The following SMARCA1 variants were observed in gnomAD, a reference collection of about 807,000 sequenced individuals.
SMARCA1 encodes SNF2 related chromatin remodeling ATPase 1.
In SMARCA1, 17 loss-of-function variants were observed where a neutral mutation model predicts 93.6. That is an observed-to-expected ratio of 0.18 (90% CI 0.12 to 0.27). SMARCA1 has a LOEUF of 0.27. Ranked by LOEUF, SMARCA1 falls within the 10% of genes least tolerant of loss-of-function variation. SMARCA1 has a pLI of 1.00. For missense variants in SMARCA1, 630 were observed against 819.0 expected (o/e 0.77, Z 2.82); for synonymous variants, 271 against 271.4 (o/e 1.00, Z 0.01).
chrX:129,491,870 C>A, intron 14 of SMARCA1, 71 bp downstream of exon 14: 1 of 724,772 alleles, frequency 1.4e-6, no homozygotes, highest in Non-Finnish European at 2.0e-6. Flanking sequence ...TCATAAATGA[C>A]CTTTATGTGT....
chrX:129,510,411 A>C (rs1934981439), intron 6 of SMARCA1, among the ~76,000 whole-genome samples: 1 of 112,112 alleles, frequency 8.9e-6, no homozygotes, highest in African/African-American at 3.2e-5. Context: ...AAGATTAAGA[A>C]ATTTTTCAAA....
intron 9 of SMARCA1, among the ~76,000 whole-genome samples, 162 bp downstream of exon 9, chrX:129,504,572 A>AAAAAAAAAC (rs1934728882): frequency 2.0e-5 from 2 of 101,627 alleles, no homozygotes; most frequent in African/African-American, 7.7e-5. Context: ...AAAAAAAAAA[A>AAAAAAAAAC]AAAAAAAAAC....
intron 14 of SMARCA1, among the ~76,000 whole-genome samples, chrX:129,490,973 G>A (rs1023572430): frequency 6.3e-5 from 7 of 111,693 alleles, no homozygotes; most frequent in African/African-American, 1.3e-4. Flanking sequence ...AGACTTCTAC[G>A]GAAATGAAGT....
At chrX:129,521,316 T>C (rs1366986091) in intron 1 of SMARCA1, among the ~76,000 whole-genome samples, 1 of 112,375 alleles carries the variant, frequency 8.9e-6, no homozygotes, top group Non-Finnish European at 1.9e-5. Context: ...CTGATGGCCA[T>C]GAAGAAGAGG....
intron 5 of SMARCA1, among the ~76,000 whole-genome samples, chrX:129,514,151 T>A (rs946793570): frequency 1.8e-5 from 2 of 111,889 alleles, no homozygotes; most frequent in African/African-American, 6.5e-5. Context: ...CCGTCTCTAC[T>A]AAAAAAATAC....
intron 23 of SMARCA1, among the ~76,000 whole-genome samples, chrX:129,450,317 C>G (rs1184368600): frequency 2.7e-5 from 3 of 111,805 alleles, no homozygotes; most frequent in Non-Finnish European, 5.6e-5. Context: ...ATCTGCAAGC[C>G]AGGAGGAGAA....
At chrX:129,476,321 A>G (rs1933383576) in intron 19 of SMARCA1, among the ~76,000 whole-genome samples, 2 of 112,118 alleles carry the variant, frequency 1.8e-5, no homozygotes, top group South Asian at 7.5e-4. Context: ...CTTCAAATAA[A>G]ACAAAACTCT....
Position 129,519,588 on chromosome X carries a change from T to C in SMARCA1, c.175-1141A>G, listed in dbSNP as rs144855168. On this transcript the variant is annotated intron_variant, in intron 1 of 24. Coordinates refer to ENST00000371121, the MANE Select transcript of SMARCA1 (RefSeq NM_001282874.2). ...ATTTGACCTTGTCCAGACTCTTACT[T>C]TGTAGCACTGATCAGATATCATTCA... 9.3e-3 allele frequency among the ~76,000 whole-genome samples: 1,042 copies of C among 111,579 alleles called. 17 individuals carry two copies. Among genetic ancestry groups the C allele is most frequent in the African/African-American group, 0.032 (993 of 30,737 alleles).
At chrX:129,485,648 A>C (rs1406282277) in intron 17 of SMARCA1, among the ~76,000 whole-genome samples, 10 of 111,702 alleles carry the variant, frequency 9.0e-5, no homozygotes, top group Non-Finnish European at 1.3e-4. Flanking sequence ...TTTGATCCCC[A>C]GTGTTGGAGG....
At position 129,481,306 on chromosome X, in the gene SMARCA1, T is replaced by G. The variant is rs781717539; in HGVS notation, c.2218-121A>C. 1.3e-4 allele frequency: 60 copies of G among 468,480 alleles called. 1 individual carries two copies. The South Asian group carries it at 2.0e-3, about 16-fold the overall frequency. 38.6% of individuals were successfully genotyped at this position (468,480 alleles called of 1,213,427 possible). On this transcript the variant is annotated intron_variant, in intron 17 of 24. Coordinates refer to ENST00000371121, the MANE Select transcript of SMARCA1 (RefSeq NM_001282874.2). ...AAAGCCATCAGGAAGAATCAAAACT[T>G]GCCTTATAAATCACAATTTACCTCC... is the stretch of plus-strand genomic sequence containing the variant.
At position 129,448,420 on chromosome X, in the gene SMARCA1, A is replaced by G; in HGVS notation, c.3054T>C (p.Thr1018=). The G allele has an allele frequency of 5.9e-6, 7 of 1,195,672 alleles. No homozygotes were observed. Among genetic ancestry groups the G allele is most frequent in the Non-Finnish European group, 7.9e-6 (7 of 882,847 alleles). Residue 1018 remains threonine, a synonymous_variant, in exon 24 of 25, where the codon ACT becomes ACC. Transcript: ENST00000371121. ...TTTCTTTCTCAATCAATGAAATCAG[A>G]GTGTTACAGCGTCTCTGGAATTCCT... ...TAMEFQRRCN[T]LISLIEKENM...
chrX:129,450,180 T>C (rs1298786591), intron 23 of SMARCA1, among the ~76,000 whole-genome samples: 1 of 112,033 alleles, frequency 8.9e-6, no homozygotes, highest in Non-Finnish European at 1.9e-5. Flanking sequence ...TGAGGTCCTA[T>C]GGATGGAGCC....
At chrX:129,470,146 C>T (rs903298065) in intron 20 of SMARCA1, among the ~76,000 whole-genome samples, 21 of 111,500 alleles carry the variant, frequency 1.9e-4, no homozygotes, top group Non-Finnish European at 3.8e-5. Context: ...TACTATGCAT[C>T]GCACATTGTT....
chrX:129,472,615 G>C, intron 19 of SMARCA1, among the ~76,000 whole-genome samples: 1 of 111,587 alleles, frequency 9.0e-6, no homozygotes, highest in Non-Finnish European at 1.9e-5. Context: ...AAATTAGCAG[G>C]TATTGACTAA....
chrX:129,463,463 T>C (rs1210354418), intron 23 of SMARCA1, among the ~76,000 whole-genome samples: 1 of 112,027 alleles, frequency 8.9e-6, no homozygotes, highest in African/African-American at 3.2e-5. Context: ...ATAATCTATT[T>C]CAATGATCCA....
intron 23 of SMARCA1, among the ~76,000 whole-genome samples, chrX:129,461,496 C>T (rs1932805498): frequency 9.0e-6 from 1 of 111,513 alleles, no homozygotes; most frequent in Admixed American, 9.6e-5. Context: ...CCAGAATCTC[C>T]CAGTCACATT....
chrX:129,470,700 C>T (rs1434890116), intron 20 of SMARCA1, among the ~76,000 whole-genome samples: 2 of 110,731 alleles, frequency 1.8e-5, no homozygotes, highest in Non-Finnish European at 3.8e-5. Flanking sequence ...AAAACCCCAT[C>T]TCTACTAAAA....
chrX:129,523,481 C>G lies in SMARCA1; in HGVS notation c.-111G>C. ...ATGGAGCAGGGGTGGGGAATCACTC[C>G]GCTTCCAACCCCTTCGCTCAGGCCC... On this transcript the variant is annotated 5_prime_UTR_variant, in exon 1 of 25. Coordinates refer to ENST00000371121, the MANE Select transcript of SMARCA1 (RefSeq NM_001282874.2). The G allele has an allele frequency of 2.1e-5, 12 of 577,829 alleles. No homozygotes were observed. Among genetic ancestry groups the G allele is most frequent in the Non-Finnish European group, 3.1e-5 (12 of 386,759 alleles). 47.6% of individuals were successfully genotyped at this position (577,829 alleles called of 1,213,427 possible).
intron 1 of SMARCA1, among the ~76,000 whole-genome samples, chrX:129,522,840 G>GGA (rs1323003308): frequency 8.2e-4 from 91 of 111,379 alleles, no homozygotes; most frequent in African/African-American, 2.5e-3. Flanking sequence ...AGGGAGAGGC[G>GGA]GAGGCTTTTT....
Sources: allele counts gnomAD v4.1 joint callset (sites outside exome capture counted in the v4.1 genomes callset), GRCh38; gene constraint gnomAD v4.1.1; transcripts MANE v1.5; gene names NCBI Gene and HGNC (gene_info 2026-07-23, HGNC 2026-07-21).